The following TMEM108 variants were observed in gnomAD, a reference collection of about 807,000 sequenced individuals.
TMEM108 encodes the protein cancer/testis antigen 124.
Under a neutral mutation model 35.1 loss-of-function variants are expected in TMEM108, and 12 were observed. The ratio of observed to expected loss-of-function variants is 0.34; its 90% CI spans 0.22 to 0.55. The LOEUF is 0.55. Ranked by LOEUF, TMEM108 falls within the 20% of genes least tolerant of loss-of-function variation. The pLI, the probability that TMEM108 is intolerant of heterozygous loss-of-function variation, is 0.89. For synonymous variants in TMEM108, 287 were observed against 308.6 expected (o/e 0.93, Z 0.73); for missense variants, 680 against 753.3 (o/e 0.90, Z 1.14).
rs540394999 is a variant in TMEM108, at chr3:133,374,033, C to G, written c.41-5719C>G. Among the ~76,000 whole-genome samples, 184 of 152,320 alleles carry G rather than the reference C, an allele frequency of 1.2e-3. 1 individual carries two copies. The highest frequency in any genetic ancestry group is 4.2e-3 in the African/African-American group (173 of 41,568). On this transcript the variant is annotated intron_variant, in intron 3 of 5. Coordinates refer to ENST00000321871, the MANE Select transcript of TMEM108 (RefSeq NM_023943.4). ...GTTCCTGTTACTCTCTGCAAGGTCTCTTTATGTGGCCACCTTGAGGGAACT... is the reference window on the plus strand; with the variant it reads ...GTTCCTGTTACTCTCTGCAAGGTCTGTTTATGTGGCCACCTTGAGGGAACT...
At chr3:133,336,650 G>C (rs183509030) in intron 3 of TMEM108, among the ~76,000 whole-genome samples, 2 of 151,994 alleles carry the variant, frequency 1.3e-5, no homozygotes, top group African/African-American at 4.8e-5. Flanking sequence ...GACTACTTCT[G>C]CTTGAGAAAA....
At chr3:133,057,827 C>T (rs1300409185) in intron 2 of TMEM108, among the ~76,000 whole-genome samples, 2 of 152,156 alleles carry the variant, frequency 1.3e-5, no homozygotes, top group Non-Finnish European at 2.9e-5. Flanking sequence ...ATTTTATAGG[C>T]TGGCAACGGG....
intron 2 of TMEM108, among the ~76,000 whole-genome samples, chr3:133,074,645 C>T (rs1943718813): frequency 6.6e-6 from 1 of 152,190 alleles, no homozygotes; most frequent in Non-Finnish European, 1.5e-5. Flanking sequence ...TGTGCTACCA[C>T]ACCCAGCTAA....
intron 2 of TMEM108, among the ~76,000 whole-genome samples, chr3:133,219,822 A>G (rs1432063877): frequency 6.6e-6 from 1 of 152,124 alleles, no homozygotes; most frequent in East Asian, 1.9e-4. Context: ...GGAATGTTCT[A>G]TATATGTCTG....
intron 2 of TMEM108, among the ~76,000 whole-genome samples, chr3:133,168,706 G>A (rs897013627): frequency 4.6e-5 from 7 of 152,142 alleles, no homozygotes; most frequent in Non-Finnish European, 1.0e-4. Context: ...AGCCAGCAGC[G>A]GCAACCCACT....
At chr3:133,195,341 A>G (rs1263695600) in intron 2 of TMEM108, among the ~76,000 whole-genome samples, 1 of 152,174 alleles carries the variant, frequency 6.6e-6, no homozygotes, top group East Asian at 1.9e-4. Flanking sequence ...CCAAGATCTC[A>G]TAATTTTGTA....
At chr3:133,106,398 A>G (rs1325851596) in intron 2 of TMEM108, among the ~76,000 whole-genome samples, 1 of 151,998 alleles carries the variant, frequency 6.6e-6, no homozygotes, top group African/African-American at 2.4e-5. Flanking sequence ...CTGAGATTGA[A>G]CCCAGCTTCA....
At chr3:133,252,404 A>G (rs927824630) in intron 3 of TMEM108, among the ~76,000 whole-genome samples, 3 of 152,168 alleles carry the variant, frequency 2.0e-5, no homozygotes, top group African/African-American at 4.8e-5. Flanking sequence ...TCTGAATGAA[A>G]ATTTTAGCAA....
chr3:133,198,635 T>C (rs1210227491), intron 2 of TMEM108, among the ~76,000 whole-genome samples: 1 of 152,212 alleles, frequency 6.6e-6, no homozygotes. Flanking sequence ...GCAAACAGTC[T>C]TTACTAGTTT....
At chr3:133,129,901 T>C (rs2107742857) in intron 2 of TMEM108, among the ~76,000 whole-genome samples, 1 of 24,272 alleles carries the variant, frequency 4.1e-5, no homozygotes, top group African/African-American at 1.5e-4. Flanking sequence ...TTTAATATTT[T>C]TGCTTTTAGT....
intron 3 of TMEM108, among the ~76,000 whole-genome samples, chr3:133,360,955 C>G (rs967995386): frequency 3.3e-5 from 5 of 152,182 alleles, no homozygotes; most frequent in African/African-American, 1.2e-4. Flanking sequence ...AGGCTGATCT[C>G]TAAAAGGCCA....
rs181528560 is a variant in TMEM108, at chr3:133,106,633, C to T, written c.-47+60613C>T. On this transcript the variant is annotated intron_variant, in intron 2 of 5. Transcript: ENST00000321871. ...GGTTATGTCTGAGGCTAGGTTATAA[C>T]AGATATTGCAGCTTGCAGCTTGCTT... 1.4e-3 allele frequency among the ~76,000 whole-genome samples: 213 copies of T among 152,304 alleles called. 1 individual carries two copies. Among genetic ancestry groups the T allele is most frequent in the Non-Finnish European group, 1.6e-3 (106 of 68,034 alleles).
At chr3:133,194,235 G>A (rs1576374045) in intron 2 of TMEM108, among the ~76,000 whole-genome samples, 2 of 152,104 alleles carry the variant, frequency 1.3e-5, no homozygotes, top group South Asian at 4.2e-4. Context: ...ATGCCCAGCT[G>A]AACATTAATT....
At chr3:133,349,182 T>C (rs2071914989) in intron 3 of TMEM108, among the ~76,000 whole-genome samples, 1 of 152,116 alleles carries the variant, frequency 6.6e-6, no homozygotes. Context: ...ATTTTTCCCC[T>C]TTAAGTTGAC....
At chr3:133,177,843 T>G (rs1945261101) in intron 2 of TMEM108, among the ~76,000 whole-genome samples, 2 of 151,980 alleles carry the variant, frequency 1.3e-5, no homozygotes, top group South Asian at 4.1e-4. Context: ...AAATAAAGGG[T>G]ATTCAATTAG....
At chr3:133,286,194 G>A (rs1380946407) in intron 3 of TMEM108, among the ~76,000 whole-genome samples, 1 of 152,170 alleles carries the variant, frequency 6.6e-6, no homozygotes, top group Non-Finnish European at 1.5e-5. Flanking sequence ...TCCTTCTATA[G>A]TATCTCAATG....
In TMEM108 at chr3:133,380,395, G is replaced by A. The variant is rs781210066; in HGVS notation, c.684G>A (p.Val228=). 8.1e-6 allele frequency: 13 copies of A among 1,613,598 alleles called. No homozygotes were observed. In the Admixed American group the frequency reaches 2.2e-4, roughly 27 times the overall value. The change falls in exon 4 of 6, where the codon GTG becomes GTA. Residue 228 remains valine, a synonymous_variant. Transcript: ENST00000321871. The surrounding 1 kb of genome is among the most constrained non-coding windows in gnomAD (Gnocchi z 5.3). ...ACAAGGGCAACTTCACAGGGTCTGT[G>A]GAACCGGAGCCCTCTACCCTCACCC... ...QIYKGNFTGS[V]EPEPSTLTPR... is the part of the protein sequence containing the mutation.
intron 2 of TMEM108, among the ~76,000 whole-genome samples, chr3:133,206,992 T>G (rs1945765505): frequency 1.3e-5 from 2 of 152,158 alleles, no homozygotes; most frequent in Non-Finnish European, 2.9e-5. Context: ...CTTTCAGACA[T>G]GCCCTGCCTA....
chr3:133,049,730 A>G (rs768190183), intron 2 of TMEM108, among the ~76,000 whole-genome samples: 8 of 152,102 alleles, frequency 5.3e-5, no homozygotes, highest in Non-Finnish European at 1.2e-4. Flanking sequence ...TGGTCTCTCT[A>G]TGCCCTGACC....
Sources: allele counts gnomAD v4.1 joint callset (sites outside exome capture counted in the v4.1 genomes callset), GRCh38; gene constraint gnomAD v4.1.1; non-coding constraint Gnocchi (gnomAD v3.1); transcripts MANE v1.5; gene names NCBI Gene and HGNC (gene_info 2026-07-23, HGNC 2026-07-21).